The following MAST4 variants were observed in gnomAD, a reference collection of about 807,000 sequenced individuals.
The protein encoded by MAST4 is microtubule-associated serine/threonine-protein kinase 4.
In MAST4, 89 loss-of-function variants were observed where a neutral mutation model predicts 162.7. The observed-to-expected ratio is 0.55, with a 90% CI of 0.46 to 0.65. MAST4 has a LOEUF of 0.65. Among genes scored for constraint, MAST4 ranks in the 30% least tolerant of loss-of-function variants. MAST4 has a pLI of 0.00. For missense variants in MAST4, 3,153 were observed against 3,374.0 expected, an observed-to-expected ratio of 0.93 and a Z score of 1.62; for synonymous variants, 1,479 against 1,361.1, an observed-to-expected ratio of 1.09 and a Z score of -1.91.
intron 5 of MAST4, among the ~76,000 whole-genome samples, chr5:67,056,450 C>T (rs1216099968): frequency 2.0e-5 from 3 of 152,146 alleles, no homozygotes; most frequent in Non-Finnish European, 4.4e-5. Context: ...ATTTTAATCT[C>T]GCTCCTCTTT....
At chr5:67,128,105 A>G (rs1768483798) in intron 14 of MAST4, among the ~76,000 whole-genome samples, 1 of 152,234 alleles carries the variant, frequency 6.6e-6, no homozygotes, top group Non-Finnish European at 1.5e-5. Context: ...CAGGAATTTA[A>G]TTTAGTAACT....
At chr5:66,611,605 G>A (rs955340809) in intron 1 of MAST4, among the ~76,000 whole-genome samples, 51 of 152,302 alleles carry the variant, frequency 3.3e-4, no homozygotes, top group African/African-American at 1.2e-3. Context: ...CTTCTGTGGT[G>A]TTTAAAAGGA....
intron 3 of MAST4, among the ~76,000 whole-genome samples, chr5:66,850,806 G>A (rs778270431): frequency 6.6e-6 from 1 of 151,944 alleles, no homozygotes; most frequent in Non-Finnish European, 1.5e-5. Flanking sequence ...TTAAAAAAAG[G>A]AACTGGTTCT....
At chr5:66,859,959 C>T (rs1483927270) in intron 3 of MAST4, among the ~76,000 whole-genome samples, 1 of 152,206 alleles carries the variant, frequency 6.6e-6, no homozygotes, top group South Asian at 2.1e-4. Context: ...GTCCCCAAAA[C>T]ATCTCAGCAT....
chr5:66,997,549 A>G (rs1319097205), intron 4 of MAST4, among the ~76,000 whole-genome samples: 1 of 149,816 alleles, frequency 6.7e-6, no homozygotes, highest in Non-Finnish European at 1.5e-5. Flanking sequence ...CTCCTGTCTC[A>G]GCCTCCCAAC....
At chr5:66,962,156 G>A (rs1314864309) in intron 4 of MAST4, among the ~76,000 whole-genome samples, 2 of 152,198 alleles carry the variant, frequency 1.3e-5, no homozygotes, top group African/African-American at 4.8e-5. Context: ...CTGTGCCAAT[G>A]AAGAGCACAA....
intron 1 of MAST4, among the ~76,000 whole-genome samples, chr5:66,758,632 A>C (rs1753688773): frequency 6.6e-6 from 1 of 152,144 alleles, no homozygotes; most frequent in Non-Finnish European, 1.5e-5. Flanking sequence ...AAAATGGATG[A>C]CCTAGTCTCC....
chr5:66,788,561 A>C, intron 2 of MAST4, 109 bp from the exon 3 acceptor site: 2 of 1,308,282 alleles, frequency 1.5e-6, no homozygotes, highest in Non-Finnish European at 1.1e-6. Context: ...TGGCAGAAGT[A>C]ATACAGAACA....
At chr5:66,812,489 C>T (rs1421695544) in intron 3 of MAST4, among the ~76,000 whole-genome samples, 2 of 152,178 alleles carry the variant, frequency 1.3e-5, no homozygotes, top group Non-Finnish European at 2.9e-5. Flanking sequence ...CAGAGCCACA[C>T]GGGTACAGCT....
At chr5:66,764,558 A>G (rs1266801123) in intron 2 of MAST4, among the ~76,000 whole-genome samples, 3 of 152,084 alleles carry the variant, frequency 2.0e-5, no homozygotes, top group Non-Finnish European at 4.4e-5. Context: ...ATTATATGGT[A>G]ATGTCTAGAT....
chr5:67,124,197 CT>C (rs1188641793), intron 14 of MAST4, among the ~76,000 whole-genome samples: 51 of 152,178 alleles, frequency 3.4e-4, no homozygotes, highest in Non-Finnish European at 2.9e-5. Context: ...GCCCCTCCAC[CT>C]TCTACCCTTG....
chr5:66,931,519 T>C (rs1030542659), intron 4 of MAST4, among the ~76,000 whole-genome samples: 4 of 152,270 alleles, frequency 2.6e-5, no homozygotes, highest in Admixed American at 1.3e-4. Context: ...TAACTCTGAT[T>C]CTAACAGTTT....
rs543407086 is a variant in MAST4, at chr5:67,011,992, C to T, written c.675-42412C>T. Among the ~76,000 whole-genome samples, 9 of 152,208 alleles carry T rather than the reference C, an allele frequency of 5.9e-5. No homozygotes were observed. In the East Asian group the frequency reaches 1.5e-3, roughly 26 times the overall value. On this transcript the variant is annotated intron_variant, in intron 4 of 28. Coordinates refer to ENST00000403625, the MANE Select transcript of MAST4 (RefSeq NM_001164664.2). ...TGCATGGGGAGGCATGGTCTATTCA[C>T]TGCTATTGTGTGTGTGTGAGAGAGA...
chr5:66,723,335 G>A (rs1751330887), intron 1 of MAST4, among the ~76,000 whole-genome samples: 1 of 152,104 alleles, frequency 6.6e-6, no homozygotes, highest in Non-Finnish European at 1.5e-5. Context: ...TTTAGATTCT[G>A]GAATCTTGCT....
chr5:67,118,650 A>C (rs754595713), intron 12 of MAST4, 32 bp from the exon 13 acceptor site: 4 of 1,347,514 alleles, frequency 3.0e-6, no homozygotes, highest in Admixed American at 2.1e-5. Flanking sequence ...CAATATTTTT[A>C]TTAAGCTTAA....
At chr5:67,146,871 C>T (rs1210443264) in intron 23 of MAST4, among the ~76,000 whole-genome samples, 2 of 152,196 alleles carry the variant, frequency 1.3e-5, no homozygotes, top group Non-Finnish European at 2.9e-5. Context: ...TGCTGATGCT[C>T]AGATCATATG....
chr5:67,010,384 T>C (rs1022970057), intron 4 of MAST4, among the ~76,000 whole-genome samples: 1 of 151,990 alleles, frequency 6.6e-6, no homozygotes, highest in African/African-American at 2.4e-5. Flanking sequence ...TTCGAGAAGG[T>C]AATATTTAAG....
intron 4 of MAST4, among the ~76,000 whole-genome samples, chr5:66,906,612 G>T (rs1414096901): frequency 6.6e-6 from 1 of 152,050 alleles, no homozygotes; most frequent in Non-Finnish European, 1.5e-5. Flanking sequence ...GATGTCTTTG[G>T]TACCTCACTG....
intron 3 of MAST4, among the ~76,000 whole-genome samples, chr5:66,797,030 A>T (rs1755684729): frequency 6.6e-6 from 1 of 152,232 alleles, no homozygotes; most frequent in African/African-American, 2.4e-5. Context: ...TGAGGAAATG[A>T]TTAAAATAAT....
Sources: gnomAD v4.1 joint callset for allele counts (sites outside exome capture counted in the v4.1 genomes callset) on GRCh38, gnomAD v4.1.1 for gene constraint, MANE v1.5 for transcripts, NCBI Gene and HGNC (gene_info 2026-07-23, HGNC 2026-07-21) for gene names.